PCDHGA10: variants seen among roughly 807,000 people sequenced by gnomAD.
PCDHGA10 encodes protocadherin gamma-A10.
PCDHGA10 carries 42 observed loss-of-function variants against 59.5 expected under a neutral mutation model. The observed-to-expected ratio is 0.71, with a 90% confidence interval of 0.55 to 0.91. PCDHGA10 has a LOEUF of 0.91. Ranked by LOEUF, PCDHGA10 falls within the 40% of genes least tolerant of loss-of-function variation. The pLI, the probability that PCDHGA10 is intolerant of heterozygous loss-of-function variation, is 0.00. For synonymous variants in PCDHGA10, 511 were observed against 517.2 expected, an observed-to-expected ratio of 0.99 and a Z score of 0.16; for missense variants, 1,111 against 1,198.2, an observed-to-expected ratio of 0.93 and a Z score of 1.07.
rs1314264090 is a variant in PCDHGA10, at chr5:141,490,459, C to T, written c.2437-4348C>T. 7 of 1,614,100 alleles carry T rather than the reference C, an allele frequency of 4.3e-6. No homozygotes were observed. Among genetic ancestry groups the T allele is most frequent in the Non-Finnish European group, 5.9e-6 (7 of 1,180,040 alleles). ...GCCTTCTGAGAACCACTACTCGCTG[C>T]TAACCAGCCAGCCTTTGGACCGGGA... On this transcript the variant is annotated intron_variant, in intron 1 of 3. Coordinates refer to ENST00000398610, the MANE Select transcript of PCDHGA10 (RefSeq NM_018913.3). The surrounding 1 kb of genome is among the most constrained non-coding windows in gnomAD (Gnocchi z 5.4).
chr5:141,416,109 A>C (rs1365438751), intron 1 of PCDHGA10: 5 of 157,286 alleles, frequency 3.2e-5, no homozygotes, highest in African/African-American at 1.2e-4. Context: ...GCCTTTTTCA[A>C]ACTACATTTT....
intron 1 of PCDHGA10, among the ~76,000 whole-genome samples, chr5:141,463,721 C>T (rs1012411825): frequency 1.3e-5 from 2 of 152,046 alleles, no homozygotes; most frequent in Non-Finnish European, 2.9e-5. Flanking sequence ...GCTGGGATTA[C>T]AGGCATGAGC....
chr5:141,426,439 G>A, intron 1 of PCDHGA10: 1 of 302,400 alleles, frequency 3.3e-6, no homozygotes, highest in Non-Finnish European at 6.5e-6. Flanking sequence ...GAACCTTGCG[G>A]AGGACATGCG....
intron 1 of PCDHGA10, chr5:141,418,165 T>G (rs1296752918): frequency 6.2e-7 from 1 of 1,614,034 alleles, no homozygotes. Flanking sequence ...GAAGAAGATG[T>G]GAGTTGCAAT....
intron 1 of PCDHGA10, chr5:141,418,511 G>A: frequency 5.6e-6 from 9 of 1,613,974 alleles, no homozygotes; most frequent in Non-Finnish European, 7.6e-6. Context: ...CTTAGATGGT[G>A]GGGACCCTCC....
At chr5:141,469,511 G>T (rs2099203340) in intron 1 of PCDHGA10, among the ~76,000 whole-genome samples, 2 of 152,038 alleles carry the variant, frequency 1.3e-5, no homozygotes, top group South Asian at 2.1e-4. Flanking sequence ...GGAGGTGGAG[G>T]TTGCAGTGAG....
Position 141,510,982 on chromosome 5 carries a change from G to A in PCDHGA10, c.2620G>A (p.Ala874Thr). The A allele has an allele frequency of 3.1e-6, 5 of 1,614,166 alleles. No homozygotes were observed. Among genetic ancestry groups the A allele is most frequent in the Non-Finnish European group, 3.4e-6 (4 of 1,180,018 alleles). Reference protein sequence around the residue: ...ADGSSTLGGGAGTMGLSARYG... With the variant: ...ADGSSTLGGGTGTMGLSARYG... Reference sequence around the variant, plus strand: ...TGGGAGCTCCACCCTGGGAGGGGGTGCCGGCACCATGGGATTGAGCGCCCG... The same window carrying A: ...TGGGAGCTCCACCCTGGGAGGGGGTACCGGCACCATGGGATTGAGCGCCCG... The change falls in exon 4 of 4, where the codon GCC (alanine) becomes ACC (threonine). Residue 874 changes from alanine to threonine, a missense_variant. Coordinates refer to ENST00000398610, the MANE Select transcript of PCDHGA10 (RefSeq NM_018913.3).
chr5:141,462,036 G>A (rs760555655), intron 1 of PCDHGA10, among the ~76,000 whole-genome samples: 5 of 151,978 alleles, frequency 3.3e-5, no homozygotes, highest in African/African-American at 7.3e-5. Flanking sequence ...TTGGTCAGGC[G>A]GGTCTTGAAC....
intron 1 of PCDHGA10, among the ~76,000 whole-genome samples, chr5:141,445,937 A>C (rs2098482193): frequency 6.6e-6 from 1 of 152,202 alleles, no homozygotes; most frequent in African/African-American, 2.4e-5. Flanking sequence ...TGAATTATTA[A>C]GCTTACTCTG....
intron 1 of PCDHGA10, among the ~76,000 whole-genome samples, chr5:141,449,042 A>G (rs1211970675): frequency 6.6e-6 from 1 of 152,186 alleles, no homozygotes; most frequent in Non-Finnish European, 1.5e-5. Context: ...ATTATTAACC[A>G]GTCTCATAAA....
At position 141,413,907 on chromosome 5, in the gene PCDHGA10, G is replaced by C. The variant is rs745956130; in HGVS notation, c.732G>C (p.Pro244=). ...VTVFDANDNA[P]VFTLPEYRVS... Reference sequence around the variant, plus strand: ...TCTTCGATGCAAATGACAACGCGCCGGTCTTCACCTTGCCAGAATACCGAG... The same window carrying C: ...TCTTCGATGCAAATGACAACGCGCCCGTCTTCACCTTGCCAGAATACCGAG... The change falls in exon 1 of 4, where the codon CCG becomes CCC. Residue 244 remains proline, a synonymous_variant. Transcript: ENST00000398610. 1 of 1,613,270 alleles carries C rather than the reference G, an allele frequency of 6.2e-7. No individual in the cohort carries two copies. Among genetic ancestry groups the C allele is most frequent in the Non-Finnish European group, 8.5e-7 (1 of 1,179,864 alleles).
Position 141,490,365 on chromosome 5 carries a change from A to G in PCDHGA10, c.2437-4442A>G. The G allele has an allele frequency of 6.2e-7, 1 of 1,614,170 alleles. No individual in the cohort carries two copies. The highest frequency in any genetic ancestry group is 8.5e-7 in the Non-Finnish European group (1 of 1,180,030). On this transcript the variant is annotated intron_variant, in intron 1 of 3. Coordinates refer to ENST00000398610, the MANE Select transcript of PCDHGA10 (RefSeq NM_018913.3). The surrounding 1 kb of genome is among the most constrained non-coding windows in gnomAD (Gnocchi z 5.4). ...CAGTAGTGGGGTTGTTTAATGTGCG[A>G]GACCGGGACTCAGGTAGAAATGGTG...
At chr5:141,465,812 T>A (rs533291720) in intron 1 of PCDHGA10, among the ~76,000 whole-genome samples, 1 of 152,082 alleles carries the variant, frequency 6.6e-6, no homozygotes, top group South Asian at 2.1e-4. Flanking sequence ...TTCAGGATCT[T>A]GATCACATTT....
At chr5:141,437,040 C>G (rs188070264) in intron 1 of PCDHGA10, among the ~76,000 whole-genome samples, 1 of 152,266 alleles carries the variant, frequency 6.6e-6, no homozygotes, top group African/African-American at 2.4e-5. Flanking sequence ...ATCACCGAAA[C>G]CAGAAGGCTG....
In PCDHGA10 at chr5:141,418,596, T is replaced by C; in HGVS notation, c.2436+2985T>C. On this transcript the variant is annotated intron_variant, in intron 1 of 3. Coordinates refer to ENST00000398610, the MANE Select transcript of PCDHGA10 (RefSeq NM_018913.3). Reference sequence around the variant, plus strand: ...AACCCCCCAGTGTTCAGCCAGGACGTGTACAGGGTTAGCCTTCGGGAAGAC... The same window carrying C: ...AACCCCCCAGTGTTCAGCCAGGACGCGTACAGGGTTAGCCTTCGGGAAGAC... 8.7e-6 allele frequency: 14 copies of C among 1,614,046 alleles called. No individual in the cohort carries two copies. The highest frequency in any genetic ancestry group is 1.1e-5 in the Non-Finnish European group (13 of 1,179,906).
In PCDHGA10 at chr5:141,415,366, G is replaced by T; in HGVS notation, c.2191G>T (p.Ala731Ser). The stretch of plus-strand genomic sequence containing the variant: ...CTGGCACAAGTCACGCCTGCTGCAG[G>T]CTTCAGGAGGCGGCTTGACAGGTGT... ...RRWHKSRLLQ[A>S]SGGGLTGVSG... The change falls in exon 1 of 4, where the codon GCT becomes TCT. Residue 731 changes from alanine (A) to serine (S), a missense_variant. Physicochemically the swap from Ala to Ser is moderately conservative, Grantham distance 99 (BLOSUM62 1). Coordinates refer to ENST00000398610, the MANE Select transcript of PCDHGA10 (RefSeq NM_018913.3). 6.2e-7 allele frequency: 1 copy of T among 1,614,252 alleles called. No homozygotes were observed. Among genetic ancestry groups the T allele is most frequent in the South Asian group, 1.1e-5 (1 of 91,088 alleles).
rs1001412632 is a variant in PCDHGA10, at chr5:141,493,097, A to G, written c.2437-1710A>G. On this transcript the variant is annotated intron_variant, in intron 1 of 3. Transcript: ENST00000398610. The surrounding 1 kb of genome is among the most constrained non-coding windows in gnomAD (Gnocchi z 4.3). ...AACTCCAGGAGCTTTTATTCAAAAT[A>G]TATCAATGCCTAACTCTGCTCCTAG... Among the ~76,000 whole-genome samples, 1 of 152,224 alleles carries G rather than the reference A, an allele frequency of 6.6e-6. No homozygotes were observed. The highest frequency in any genetic ancestry group is 2.4e-5 in the African/African-American group (1 of 41,456).
At chr5:141,457,791 A>G (rs554446263) in intron 1 of PCDHGA10, among the ~76,000 whole-genome samples, 1 of 152,318 alleles carries the variant, frequency 6.6e-6, no homozygotes, top group South Asian at 2.1e-4. Flanking sequence ...GAGTTGGGTT[A>G]TCCTCTCCTC....
At chr5:141,499,356 C>A (rs1472104991) in intron 2 of PCDHGA10, among the ~76,000 whole-genome samples, 1 of 152,062 alleles carries the variant, frequency 6.6e-6, no homozygotes, top group Non-Finnish European at 1.5e-5. Context: ...ATTCAACAAA[C>A]AAATAGCAAC....
Sources: gnomAD v4.1 joint callset for allele counts (sites outside exome capture counted in the v4.1 genomes callset) on GRCh38, gnomAD v4.1.1 for gene constraint, Gnocchi (gnomAD v3.1) non-coding constraint, MANE v1.5 for transcripts, NCBI Gene and HGNC (gene_info 2026-07-23, HGNC 2026-07-21) for gene names.